NRG3: variants seen among roughly 807,000 people sequenced by gnomAD.
NRG3 encodes pro-neuregulin-3, membrane-bound isoform.
In NRG3, 31 loss-of-function variants were observed where a neutral mutation model predicts 66.9. That is an observed-to-expected ratio of 0.46 (90% CI 0.35 to 0.63). The LOEUF is 0.63. NRG3 is among the 20% of genes least tolerant of loss of function. The pLI is 0.00. For missense variants in NRG3, 910 were observed against 878.9 expected, an observed-to-expected ratio of 1.04 and a Z score of -0.45; for synonymous variants, 393 against 359.4, an observed-to-expected ratio of 1.09 and a Z score of -1.06.
chr10:82,935,198 T>C (rs1220809255), intron 4 of NRG3, among the ~76,000 whole-genome samples: 3 of 152,190 alleles, frequency 2.0e-5, no homozygotes, highest in Non-Finnish European at 4.4e-5. Flanking sequence ...AAGGTCAAGA[T>C]TGGGAGAGCT....
At chr10:82,659,631 G>A (rs1170756199) in intron 2 of NRG3, among the ~76,000 whole-genome samples, 5 of 152,004 alleles carry the variant, frequency 3.3e-5, no homozygotes, top group Admixed American at 6.6e-5. Flanking sequence ...GCAACAGAGC[G>A]AGCGAGCGAG....
At chr10:82,769,853 A>G (rs2059650746) in intron 3 of NRG3, among the ~76,000 whole-genome samples, 3 of 152,248 alleles carry the variant, frequency 2.0e-5, no homozygotes, top group African/African-American at 7.2e-5. Flanking sequence ...TACCTAATAC[A>G]GTGTTTAAGA....
intron 2 of NRG3, among the ~76,000 whole-genome samples, chr10:82,673,263 G>A (rs1325106065): frequency 6.6e-6 from 1 of 152,132 alleles, no homozygotes; most frequent in African/African-American, 2.4e-5. Flanking sequence ...TTGAATAATT[G>A]GGTAAATAAT....
intron 2 of NRG3, among the ~76,000 whole-genome samples, chr10:82,473,680 G>A (rs1276617514): frequency 2.0e-5 from 3 of 152,122 alleles, no homozygotes; most frequent in Admixed American, 1.3e-4. Context: ...GGAGTTGGTG[G>A]CCCAGTCCTC....
intron 2 of NRG3, among the ~76,000 whole-genome samples, chr10:82,566,519 A>C (rs1047726021): frequency 8.6e-5 from 13 of 151,970 alleles, no homozygotes; most frequent in African/African-American, 2.7e-4. Context: ...TGGATTAGTT[A>C]TCTCTCAAAA....
chr10:82,528,654 G>T (rs1044539795), intron 2 of NRG3, among the ~76,000 whole-genome samples: 1 of 152,040 alleles, frequency 6.6e-6, no homozygotes, highest in Admixed American at 6.6e-5. Flanking sequence ...TTGCTTTTTT[G>T]ATTGCTTGTG....
At chr10:82,954,141 G>T (rs151143169) in intron 5 of NRG3, among the ~76,000 whole-genome samples, 1 of 151,834 alleles carries the variant, frequency 6.6e-6, no homozygotes, top group Non-Finnish European at 1.5e-5. Context: ...CACCCAGCAG[G>T]GTGGTAGTTA....
intron 4 of NRG3, among the ~76,000 whole-genome samples, chr10:82,945,477 T>C (rs148239761): frequency 6.6e-6 from 1 of 152,264 alleles, no homozygotes; most frequent in African/African-American, 2.4e-5. Flanking sequence ...AGAAATTTAT[T>C]TGGTTCATGT....
chr10:82,588,339 G>A (rs1016292038), intron 2 of NRG3, among the ~76,000 whole-genome samples: 1 of 151,906 alleles, frequency 6.6e-6, no homozygotes, highest in Non-Finnish European at 1.5e-5. Flanking sequence ...AATGAGGGTG[G>A]CACCTTACGC....
At chr10:82,489,827 T>G (rs1842953705) in intron 2 of NRG3, among the ~76,000 whole-genome samples, 1 of 152,210 alleles carries the variant, frequency 6.6e-6, no homozygotes, top group Non-Finnish European at 1.5e-5. Context: ...ATGCTAGGAC[T>G]TAAAAAAAAG....
At chr10:82,393,387 A>G (rs1289087191) in intron 2 of NRG3, among the ~76,000 whole-genome samples, 2 of 152,148 alleles carry the variant, frequency 1.3e-5, no homozygotes, top group Non-Finnish European at 2.9e-5. Flanking sequence ...CCCTGTGGGA[A>G]AGACTCAGCT....
In NRG3 at chr10:82,489,583, A is replaced by G. The variant is rs373467531; in HGVS notation, c.953+130715A>G. Among the ~76,000 whole-genome samples the G allele has an allele frequency of 1.7e-3, 251 of 150,578 alleles. 1 individual carries two copies. Among genetic ancestry groups the G allele is most frequent in the Admixed American group, 5.4e-3 (82 of 15,264 alleles). On this transcript the variant is annotated intron_variant, in intron 2 of 8. Coordinates refer to ENST00000372141, the MANE Select transcript of NRG3 (RefSeq NM_001010848.4). ...CTCAACCTAAGGTATTGTCACAAAC[A>G]GGGGGCTGGAGCCTGGATTCATTCA...
intron 2 of NRG3, among the ~76,000 whole-genome samples, chr10:82,486,078 A>G (rs1358070537): frequency 1.3e-5 from 2 of 152,210 alleles, no homozygotes; most frequent in African/African-American, 4.8e-5. Flanking sequence ...AGGGAAACGC[A>G]AGTCAAAACC....
At chr10:82,096,540 C>T (rs899515250) in intron 1 of NRG3, among the ~76,000 whole-genome samples, 1 of 151,658 alleles carries the variant, frequency 6.6e-6, no homozygotes, top group Non-Finnish European at 1.5e-5. Context: ...TAAACTGGAG[C>T]CCCGTCACTC....
intron 1 of NRG3, among the ~76,000 whole-genome samples, chr10:82,297,832 A>G (rs772635871): frequency 1.6e-4 from 25 of 152,244 alleles, no homozygotes; most frequent in Non-Finnish European, 3.4e-4. Flanking sequence ...TAGAATGACA[A>G]TATTATTTTG....
chr10:82,731,387 G>C (rs971155067), intron 2 of NRG3, among the ~76,000 whole-genome samples: 1 of 122,248 alleles, frequency 8.2e-6, no homozygotes, highest in African/African-American at 3.2e-5. Flanking sequence ...AAAAAAAAAA[G>C]AAAATGTCAT....
At chr10:82,363,354 G>GT (rs1564840871) in intron 2 of NRG3, among the ~76,000 whole-genome samples, 1 of 152,176 alleles carries the variant, frequency 6.6e-6, no homozygotes, top group African/African-American at 2.4e-5. Flanking sequence ...GTGAAAACAC[G>GT]TGTCCACAAA....
chr10:82,564,033 C>A (rs540931616), intron 2 of NRG3, among the ~76,000 whole-genome samples: 6 of 151,936 alleles, frequency 3.9e-5, no homozygotes, highest in Admixed American at 6.6e-5. Flanking sequence ...TTGTGATGAG[C>A]TCTTAATACA....
chr10:82,291,359 G>A (rs967419615), intron 1 of NRG3, among the ~76,000 whole-genome samples: 2 of 152,046 alleles, frequency 1.3e-5, no homozygotes, highest in African/African-American at 4.8e-5. Flanking sequence ...TTAAATAATT[G>A]GAGAGACATA....
Sources: gnomAD v4.1 joint callset for allele counts (sites outside exome capture counted in the v4.1 genomes callset) on GRCh38, gnomAD v4.1.1 for gene constraint, MANE v1.5 for transcripts, NCBI Gene and HGNC (gene_info 2026-07-23, HGNC 2026-07-21) for gene names.